The following MYBL1 variants were observed in gnomAD, a reference collection of about 807,000 sequenced individuals.
MYBL1 encodes MYB proto-oncogene like 1.
MYBL1 carries 17 observed loss-of-function variants against 96.3 expected under a neutral mutation model. The observed-to-expected ratio is 0.18, with a 90% confidence interval of 0.12 to 0.26. MYBL1 has a LOEUF of 0.26. Ranked by LOEUF, MYBL1 falls within the 10% of genes least tolerant of loss-of-function variation. The probability of loss-of-function intolerance (pLI) is 1.00; values close to 1 mark genes in which losing one functional copy is unlikely to be tolerated. For missense variants in MYBL1, 701 were observed against 882.9 expected (o/e 0.79, Z 2.61); for synonymous variants, 282 against 292.7 (o/e 0.96, Z 0.37).
At chr8:66,580,032 A>G in intron 9 of MYBL1, 101 bp downstream of exon 9, 2 of 848,118 alleles carry the variant, frequency 2.4e-6, no homozygotes, top group Non-Finnish European at 3.6e-6. Flanking sequence ...TAAGCATGGC[A>G]TACAAAACAT....
In MYBL1 at chr8:66,564,670, G is replaced by A. The variant is rs1413907886; in HGVS notation, c.*27C>T. On this transcript the variant is annotated 3_prime_UTR_variant, in exon 16 of 16. Coordinates refer to ENST00000522677, the MANE Select transcript of MYBL1 (RefSeq NM_001080416.4). ...TTAGTAGAGACTGCAGTAAGGGAGTGGGGCATTTCATCAATTTTAATAACA... is the reference window on the plus strand; with the variant it reads ...TTAGTAGAGACTGCAGTAAGGGAGTAGGGCATTTCATCAATTTTAATAACA... 6.5e-7 allele frequency: 1 copy of A among 1,540,282 alleles called. No individual in the cohort carries two copies.
chr8:66,603,025 G>A (rs921922814), intron 1 of MYBL1, among the ~76,000 whole-genome samples: 4 of 151,896 alleles, frequency 2.6e-5, no homozygotes, highest in African/African-American at 9.7e-5. Flanking sequence ...GATTACAGGC[G>A]TGAGCCACTG....
At chr8:66,571,750 G>A (rs942722811) in intron 12 of MYBL1, among the ~76,000 whole-genome samples, 28 of 151,692 alleles carry the variant, frequency 1.8e-4, no homozygotes, top group East Asian at 9.8e-4. Context: ...GCGTGGTGGC[G>A]CAAGCCTGTA....
rs150162084 is a variant in MYBL1 at position 66,572,864 on chromosome 8, A to C, written c.1614-268T>G. Among the ~76,000 whole-genome samples, 931 of 152,284 alleles carry C rather than the reference A, an allele frequency of 6.1e-3. 5 individuals are homozygous for C. Among genetic ancestry groups the C allele is most frequent in the Middle Eastern group, 0.027 (8 of 294 alleles). On this transcript the variant is annotated intron_variant, in intron 11 of 15. Transcript: ENST00000522677. ...GAAATGATTGAAATCAAAGTTTGACACTATATTTCAGTTGGTTTTCACTGT... is the reference window on the plus strand; with the variant it reads ...GAAATGATTGAAATCAAAGTTTGACCCTATATTTCAGTTGGTTTTCACTGT...
At position 66,580,313 on chromosome 8, in the gene MYBL1, C is replaced by T. The variant is rs1563535170; in HGVS notation, c.921G>A (p.Met307Ile). ...WSGSFLMDDN[M>I]SNTLNSLDEH... The stretch of plus-strand genomic sequence containing the variant: ...CGTCAAGGCTATTTAGAGTATTAGA[C>T]ATGTTATCATCCATGAGGAAACTAC... The change falls in exon 9 of 16, where the codon ATG (methionine) becomes ATA (isoleucine). Residue 307 changes from methionine (M) to isoleucine (I), a missense_variant. By Grantham distance (10) the Met-to-Ile change is conservative. Transcript: ENST00000522677. 3 of 1,613,692 alleles carry T rather than the reference C, an allele frequency of 1.9e-6. No homozygotes were observed. Among genetic ancestry groups the T allele is most frequent in the Non-Finnish European group, 2.5e-6 (3 of 1,179,736 alleles).
intron 12 of MYBL1, among the ~76,000 whole-genome samples, chr8:66,568,938 C>T (rs1261956652): frequency 6.6e-6 from 1 of 152,042 alleles, no homozygotes; most frequent in Non-Finnish European, 1.5e-5. Flanking sequence ...GCAGGAGAAT[C>T]GCTTGAAACT....
chr8:66,568,599 G>A (rs987811046), intron 12 of MYBL1, among the ~76,000 whole-genome samples: 5 of 151,236 alleles, frequency 3.3e-5, no homozygotes, highest in African/African-American at 4.9e-5. Flanking sequence ...CACCACCCCC[G>A]GTCTCAAAGA....
chr8:66,586,551 T>C (rs1051738282), intron 8 of MYBL1, among the ~76,000 whole-genome samples: 6 of 152,156 alleles, frequency 3.9e-5, no homozygotes, highest in South Asian at 2.1e-4. Context: ...GGCAAAGATG[T>C]GGAGAAAGGG....
At chr8:66,606,289 C>CAT (rs923923997) in intron 1 of MYBL1, among the ~76,000 whole-genome samples, 2 of 152,092 alleles carry the variant, frequency 1.3e-5, no homozygotes, top group African/African-American at 4.8e-5. Context: ...AATGAGAAAA[C>CAT]ATATATAACA....
Position 66,583,107 on chromosome 8 carries a change from C to A in MYBL1, c.868-2741G>T, listed in dbSNP as rs1293893348. The stretch of plus-strand genomic sequence containing the variant: ...CCACGTATTAGGCCACAAAATAAGT[C>A]TGAACAAATTTAACAGAATTAAAGA... On this transcript the variant is annotated intron_variant, in intron 8 of 15. Coordinates refer to ENST00000522677, the MANE Select transcript of MYBL1 (RefSeq NM_001080416.4). Among the ~76,000 whole-genome samples, 3 of 152,124 alleles carry A rather than the reference C, an allele frequency of 2.0e-5. No homozygotes were observed. In the East Asian group the frequency reaches 5.8e-4, roughly 29 times the overall value.
At chr8:66,568,718 G>A (rs906040459) in intron 12 of MYBL1, among the ~76,000 whole-genome samples, 14 of 152,052 alleles carry the variant, frequency 9.2e-5, no homozygotes, top group African/African-American at 3.4e-4. Context: ...AACATGGGGG[G>A]TTGTTGTATA....
intron 12 of MYBL1, among the ~76,000 whole-genome samples, chr8:66,568,641 T>C (rs1253842333): frequency 6.6e-6 from 1 of 152,050 alleles, no homozygotes; most frequent in Non-Finnish European, 1.5e-5. Flanking sequence ...ACCAAGAACA[T>C]AAAGTATTCT....
In MYBL1 at chr8:66,612,958, C is replaced by A. The variant is rs898920578; in HGVS notation, c.-120G>T. The A allele has an allele frequency of 1.7e-6, 2 of 1,166,444 alleles. No individual in the cohort carries two copies. Among genetic ancestry groups the A allele is most frequent in the East Asian group, 2.9e-5 (1 of 34,692 alleles). The allele number at this position is 1,166,444 out of a possible 1,614,324, so 72.3% of individuals were successfully genotyped here. A position where few individuals can be genotyped will look rare whatever the true frequency, so the allele number is the denominator to read the frequency against. On this transcript the variant is annotated 5_prime_UTR_variant, in exon 1 of 16. Transcript: ENST00000522677. ...CTTCCCTCGCTCCCTCTGGAGGCGGCCGAGTGCGGAACGCACGTCCTCGAC... is the reference window on the plus strand; with the variant it reads ...CTTCCCTCGCTCCCTCTGGAGGCGGACGAGTGCGGAACGCACGTCCTCGAC...
intron 10 of MYBL1, 22 bp downstream of exon 10, chr8:66,575,983 CAT>C: frequency 6.3e-7 from 1 of 1,588,898 alleles, no homozygotes. Flanking sequence ...CATTTAGAAA[CAT>C]AAACAAAATG....
chr8:66,587,163 A>C (rs757900893), intron 8 of MYBL1, among the ~76,000 whole-genome samples: 1 of 152,158 alleles, frequency 6.6e-6, no homozygotes, highest in Non-Finnish European at 1.5e-5. Flanking sequence ...AACTATAATT[A>C]ACAGCAACTT....
chr8:66,589,675 G>A (rs914138152), intron 8 of MYBL1, among the ~76,000 whole-genome samples: 1 of 151,854 alleles, frequency 6.6e-6, no homozygotes, highest in African/African-American at 2.4e-5. Context: ...GTAGAGATGG[G>A]GTCTCACTAT....
At chr8:66,602,739 T>A (rs1336377941) in intron 1 of MYBL1, among the ~76,000 whole-genome samples, 88 of 84,630 alleles carry the variant, frequency 1.0e-3, no homozygotes, top group Middle Eastern at 5.2e-3. Flanking sequence ...ATATATTTTT[T>A]TTTTTTTTTT....
At chr8:66,607,160 C>T (rs1308611844) in intron 1 of MYBL1, among the ~76,000 whole-genome samples, 1 of 151,802 alleles carries the variant, frequency 6.6e-6, no homozygotes, top group African/African-American at 2.4e-5. Flanking sequence ...ACTCTACAGG[C>T]TTGATTAAAT....
intron 8 of MYBL1, among the ~76,000 whole-genome samples, chr8:66,589,292 G>A (rs1336739844): frequency 6.7e-6 from 1 of 149,998 alleles, no homozygotes; most frequent in Non-Finnish European, 1.5e-5. Flanking sequence ...TACAAATGCT[G>A]ATTCTCTAAC....
Sources: allele counts gnomAD v4.1 joint callset (sites outside exome capture counted in the v4.1 genomes callset), GRCh38; gene constraint gnomAD v4.1.1; transcripts MANE v1.5; gene names NCBI Gene and HGNC (gene_info 2026-07-23, HGNC 2026-07-21).